Variants in PELP1 observed in about 807,000 individuals in gnomAD.
PELP1 encodes proline-, glutamic acid- and leucine-rich protein 1.
A neutral mutation model predicts 95.5 loss-of-function variants in PELP1; 32 were observed. The observed-to-expected ratio is 0.34, with a 90% CI of 0.25 to 0.45. The LOEUF (loss-of-function observed/expected upper bound fraction) is 0.45. PELP1 is among the 20% of genes least tolerant of loss of function. The pLI, the probability that PELP1 is intolerant of heterozygous loss-of-function variation, is 1.00. For missense variants in PELP1, 1,358 were observed against 1,444.8 expected (o/e 0.94, Z 0.97); for synonymous variants, 668 against 600.1 (o/e 1.11, Z -1.65).
chr17:4,671,625 C>A, intron 16 of PELP1, 66 bp downstream of exon 16: 1 of 1,600,172 alleles, frequency 6.2e-7, no homozygotes, highest in South Asian at 1.1e-5. Context: ...AGAGAAGCAG[C>A]TGCCACCCCT....
chr17:4,702,491 G>T (rs1199547937), intron 1 of PELP1, among the ~76,000 whole-genome samples: 1 of 152,176 alleles, frequency 6.6e-6, no homozygotes, highest in East Asian at 1.9e-4. Context: ...ATAACTGACT[G>T]ATGAAAACCA....
intron 16 of PELP1, 79 bp from the exon 17 acceptor site, chr17:4,671,610 T>C: frequency 6.2e-7 from 1 of 1,603,386 alleles, no homozygotes; most frequent in South Asian, 1.1e-5. Flanking sequence ...GGCAAACCTC[T>C]CCTAAGAGAA....
intron 5 of PELP1, among the ~76,000 whole-genome samples, chr17:4,680,293 T>C (rs1912640579): frequency 6.6e-6 from 1 of 152,168 alleles, no homozygotes; most frequent in Non-Finnish European, 1.5e-5. Context: ...CTTTCTTTTT[T>C]TGGAGACAGA....
At chr17:4,700,155 T>A (rs957002563) in intron 1 of PELP1, among the ~76,000 whole-genome samples, 2 of 152,014 alleles carry the variant, frequency 1.3e-5, no homozygotes, top group African/African-American at 4.8e-5. Context: ...TCCACCCACC[T>A]TGGCCTCCCA....
intron 1 of PELP1, among the ~76,000 whole-genome samples, chr17:4,693,267 C>A (rs1161229450): frequency 6.6e-6 from 1 of 152,174 alleles, no homozygotes; most frequent in East Asian, 1.9e-4. Flanking sequence ...TTCATAATAA[C>A]CAAAATGGGA....
rs1597453433 is a variant in PELP1 at position 4,687,212 on chromosome 17, T to G, written c.420+3676A>C. On this transcript the variant is annotated intron_variant, in intron 3 of 16. Coordinates refer to ENST00000572293, the MANE Select transcript of PELP1 (RefSeq NM_014389.3). Reference sequence around the variant, plus strand: ...AGTCTTTACCTCCACAGCACCTACCTCAGTTTATCACTTCACATTCATTTA... The same window carrying G: ...AGTCTTTACCTCCACAGCACCTACCGCAGTTTATCACTTCACATTCATTTA... 3.3e-5 allele frequency among the ~76,000 whole-genome samples: 5 copies of G among 152,304 alleles called. No homozygotes were observed. In the South Asian group the frequency reaches 8.3e-4, roughly 25 times the overall value.
Position 4,672,458 on chromosome 17 carries a change from G to C in PELP1, c.2533C>G (p.Pro845Ala). Reference sequence around the variant, plus strand: ...ACAGGACCAGGAACAGGCGGCGGCGGAGGTGGGGGTGGCGGGAGAGGCCCT... The same window carrying C: ...ACAGGACCAGGAACAGGCGGCGGCGCAGGTGGGGGTGGCGGGAGAGGCCCT... ...APGPLPPPPP[P>A]PPPVPGPVTL... is the part of the protein sequence containing the mutation. Residue 845 changes from proline to alanine, a missense_variant, in exon 16 of 17, where the codon CCG (proline) becomes GCG (alanine). Pro to Ala is a conservative substitution (Grantham distance 27, BLOSUM62 -1). Around this residue, in one of 7 missense-constraint regions of PELP1, gnomAD observed 340 missense variants for 322.9 expected, o/e 1.05. Transcript: ENST00000572293. 6.4e-7 allele frequency: 1 copy of C among 1,568,690 alleles called. No individual in the cohort carries two copies. Among genetic ancestry groups the C allele is most frequent in the Non-Finnish European group, 8.6e-7 (1 of 1,157,568 alleles).
chr17:4,671,801 G>A lies in PELP1; in HGVS notation c.3190C>T (p.Leu1064=). ...VEEEPSAPPT[L]LEEETEDGSD... The stretch of plus-strand genomic sequence containing the variant: ...CCATCCTCAGTCTCCTCTTCCAACA[G>A]GGTTGGGGGAGCAGAGGGCTCTTCT... The change falls in exon 16 of 17, where the codon CTG becomes TTG. Residue 1064 remains leucine (L), a synonymous_variant. Transcript: ENST00000572293. 1 of 1,515,826 alleles carries A rather than the reference G, an allele frequency of 6.6e-7. No homozygotes were observed. The highest frequency in any genetic ancestry group is 8.8e-7 in the Non-Finnish European group (1 of 1,136,106). The allele number at this position is 1,515,826 out of a possible 1,614,324, so 93.9% of individuals were successfully genotyped here.
At chr17:4,681,937 G>A (rs759610486) in intron 5 of PELP1, among the ~76,000 whole-genome samples, 9 of 152,202 alleles carry the variant, frequency 5.9e-5, no homozygotes, top group Non-Finnish European at 1.3e-4. Flanking sequence ...GCTGAGGCAG[G>A]AGGATCACTT....
Position 4,682,904 on chromosome 17 carries a change from C to A in PELP1, c.469G>T (p.Asp157Tyr), listed in dbSNP as rs752233833. 2.5e-6 allele frequency: 4 copies of A among 1,579,636 alleles called. No individual in the cohort carries two copies. Among genetic ancestry groups the A allele is most frequent in the Non-Finnish European group, 3.4e-6 (4 of 1,165,854 alleles). ...AGCTGGGCTGCATATCGGAGGAGGT[C>A]CCTCAGGACAGCCACGGCCAGCTCC... is the stretch of plus-strand genomic sequence containing the variant. ...TMELAVAVLR[D>Y]LLRYAAQLPA... The change falls in exon 4 of 17, where the codon GAC becomes TAC. Residue 157 changes from aspartate to tyrosine, a missense_variant. Asp to Tyr is a radical substitution (Grantham distance 160, BLOSUM62 -3). Transcript: ENST00000572293.
chr17:4,675,258 GC>G lies in PELP1; in HGVS notation c.1157+15del, dbSNP rs748467327. ...ACGCCCTATCCCTTCACCACAGCCA[GC>G]CCAATCCCACTCACGCGAGGATGAG... On this transcript the variant is annotated intron_variant, in intron 10 of 16. Transcript: ENST00000572293. This position sits in a 1 kb window ranked among gnomAD's most constrained non-coding sequence, Gnocchi z 4.3. 2.0e-5 allele frequency: 31 copies of G among 1,588,694 alleles called. No individual in the cohort carries two copies. Among genetic ancestry groups the G allele is most frequent in the Non-Finnish European group, 5.1e-6 (6 of 1,167,896 alleles).
chr17:4,675,221 C>T lies in PELP1; in HGVS notation c.1158-26G>A. ...CTGGGGCAGAGAAGGAATGGTGACCCTCGTTTCTGGCACGCCCTATCCCTT... is the reference window on the plus strand; with the variant it reads ...CTGGGGCAGAGAAGGAATGGTGACCTTCGTTTCTGGCACGCCCTATCCCTT... On this transcript the variant is annotated intron_variant, in intron 10 of 16. Transcript: ENST00000572293. The surrounding 1 kb of genome is among the most constrained non-coding windows in gnomAD (Gnocchi z 4.3). The T allele has an allele frequency of 1.2e-6, 2 of 1,608,278 alleles. No homozygotes were observed. The highest frequency in any genetic ancestry group is 2.2e-5 in the South Asian group (2 of 90,052).
chr17:4,683,415 T>C (rs1321435398), intron 3 of PELP1, among the ~76,000 whole-genome samples: 1 of 151,770 alleles, frequency 6.6e-6, no homozygotes, highest in Non-Finnish European at 1.5e-5. Flanking sequence ...AGAGACGGGG[T>C]TTCACTATGT....
chr17:4,687,861 T>G (rs979252644), intron 3 of PELP1, among the ~76,000 whole-genome samples: 7 of 151,988 alleles, frequency 4.6e-5, no homozygotes, highest in Admixed American at 3.9e-4. Context: ...GGGAAAAAAA[T>G]TAAAACGTTA....
Position 4,671,214 on chromosome 17 carries a change from CTGAG to C in PELP1, c.*221_*224del. 1.7e-6 allele frequency: 1 copy of C among 572,778 alleles called. No homozygotes were observed. Among genetic ancestry groups the C allele is most frequent in the Non-Finnish European group, 3.1e-6 (1 of 322,304 alleles). The allele number at this position is 572,778 out of a possible 1,614,324, so 35.5% of individuals were successfully genotyped here. A position where few individuals can be genotyped will look rare whatever the true frequency, so the allele number is the denominator to read the frequency against. On this transcript the variant is annotated 3_prime_UTR_variant, in exon 17 of 17. Transcript: ENST00000572293. ...ATCCTACAATTCTGACACCATCGTG[CTGAG>C]TGATGGGACAGTCCATTACACCAAT...
intron 1 of PELP1, among the ~76,000 whole-genome samples, chr17:4,699,647 C>T (rs74663239): frequency 0.012 from 1,760 of 152,210 alleles, 35 homozygotes; most frequent in African/African-American, 0.038. Flanking sequence ...AGTTCGCAGG[C>T]GCAATCTCGG....
At position 4,672,814 on chromosome 17, in the gene PELP1, C is replaced by A. The variant is rs376160582; in HGVS notation, c.2177G>T (p.Gly726Val). The A allele has an allele frequency of 3.2e-5, 51 of 1,613,710 alleles. No individual in the cohort carries two copies. The highest frequency in any genetic ancestry group is 3.7e-5 in the Non-Finnish European group (44 of 1,179,836). Residue 726 changes from glycine (G) to valine (V), a missense_variant, in exon 16 of 17, where the codon GGC (glycine) becomes GTC (valine). Physicochemically the swap from Gly to Val is moderately radical, Grantham distance 109. Coordinates refer to ENST00000572293, the MANE Select transcript of PELP1 (RefSeq NM_014389.3). Reference sequence around the variant, plus strand: ...TGAGCCTGCCCGGTGGTTCTCAGGGCCAGGAAGAAGCCGGGGAGGGACAGA... The same window carrying A: ...TGAGCCTGCCCGGTGGTTCTCAGGGACAGGAAGAAGCCGGGGAGGGACAGA... ...LVSVPPRLLP[G>V]PENHRAGSNE...
chr17:4,702,025 A>C (rs1051291866), intron 1 of PELP1, among the ~76,000 whole-genome samples: 1 of 152,246 alleles, frequency 6.6e-6, no homozygotes, highest in Non-Finnish European at 1.5e-5. Context: ...AAGTTCATGT[A>C]GTTGACTTTG....
chr17:4,669,783 T>G lies in PELP1; in HGVS notation c.*1656A>C, dbSNP rs1428980878. On this transcript the variant is annotated 3_prime_UTR_variant, in exon 17 of 17. Transcript: ENST00000572293. ...AAAGCTATTAAGACAGTTTAGGAAT[T>G]AATAGGAAAATTTTAATATCACAAT... 1 of 138,334 alleles carries G rather than the reference T, an allele frequency of 7.2e-6. No individual in the cohort carries two copies. The highest frequency in any genetic ancestry group is 3.4e-5 in the African/African-American group (1 of 29,146). The allele number at this position is 138,334 out of a possible 1,614,324, so 8.6% of individuals were successfully genotyped here.
Sources: allele counts gnomAD v4.1 joint callset (sites outside exome capture counted in the v4.1 genomes callset), GRCh38; gene constraint gnomAD v4.1.1; regional missense constraint gnomAD v4.1.1; non-coding constraint Gnocchi (gnomAD v3.1); transcripts MANE v1.5; gene names NCBI Gene and HGNC (gene_info 2026-07-23, HGNC 2026-07-21).